The following HCLS1 variants were observed in gnomAD, a reference collection of about 807,000 sequenced individuals.
The protein encoded by HCLS1 is hematopoietic lineage cell-specific protein.
HCLS1 carries 44 observed loss-of-function variants against 68.6 expected under a neutral mutation model. The observed-to-expected ratio is 0.64, with a 90% CI of 0.50 to 0.82. The LOEUF (loss-of-function observed/expected upper bound fraction) is 0.82, where lower values mean the gene tolerates loss of function less well. Among genes scored for constraint, HCLS1 ranks in the 40% least tolerant of loss-of-function variants. The probability of loss-of-function intolerance (pLI) is 0.00; values close to 1 mark genes in which losing one functional copy is unlikely to be tolerated. For missense variants in HCLS1, 602 were observed against 612.1 expected (o/e 0.98, Z 0.17); for synonymous variants, 217 against 225.8 (o/e 0.96, Z 0.35).
At chr3:121,632,911 G>A (rs1356477332) in intron 11 of HCLS1, among the ~76,000 whole-genome samples, 156 bp downstream of exon 11, 1 of 152,164 alleles carries the variant, frequency 6.6e-6, no homozygotes, top group Non-Finnish European at 1.5e-5. Context: ...ATACTAGTTT[G>A]CCCAGGACAG....
At chr3:121,659,149 A>G (rs571550416) in intron 1 of HCLS1, among the ~76,000 whole-genome samples, 1 of 152,240 alleles carries the variant, frequency 6.6e-6, no homozygotes, top group Non-Finnish European at 1.5e-5. Context: ...CTCAGTTTTT[A>G]TCAACTAAAT....
chr3:121,648,855 G>C (rs1310342766), intron 3 of HCLS1, among the ~76,000 whole-genome samples: 1 of 152,192 alleles, frequency 6.6e-6, no homozygotes, highest in Admixed American at 6.5e-5. Context: ...GTTGAAAGCA[G>C]AGATCTTGTG....
At chr3:121,640,754 A>G (rs2049189015) in intron 6 of HCLS1, among the ~76,000 whole-genome samples, 1 of 139,206 alleles carries the variant, frequency 7.2e-6, no homozygotes. Flanking sequence ...ATAAGACTTT[A>G]TCTAAAAAAA....
At chr3:121,635,008 AT>A (rs1191452404) in intron 9 of HCLS1, among the ~76,000 whole-genome samples, 1 of 151,912 alleles carries the variant, frequency 6.6e-6, no homozygotes, top group Non-Finnish European at 1.5e-5. Flanking sequence ...ATAAATCTGT[AT>A]GCCTTCTTCA....
intron 2 of HCLS1, 61 bp downstream of exon 2, chr3:121,658,203 C>A: frequency 8.1e-7 from 1 of 1,234,896 alleles, no homozygotes; most frequent in Non-Finnish European, 1.2e-6. Flanking sequence ...CACAGAGTGG[C>A]CCAGATGCCC....
Position 121,642,913 on chromosome 3 carries a change from T to C in HCLS1, c.454+14A>G. On this transcript the variant is annotated intron_variant, in intron 6 of 13. Transcript: ENST00000314583. ...GTCAGATTGCTGAGGCTGAGTGAAG[T>C]ACAGTGTCCTTGCCTTTCTGAGATG... is the stretch of plus-strand genomic sequence containing the variant. 6.2e-7 allele frequency: 1 copy of C among 1,606,274 alleles called. No homozygotes were observed. The highest frequency in any genetic ancestry group is 1.1e-5 in the South Asian group (1 of 90,868).
intron 5 of HCLS1, 131 bp downstream of exon 5, chr3:121,644,687 C>G: frequency 1.3e-6 from 1 of 775,876 alleles, no homozygotes; most frequent in East Asian, 2.5e-5. Context: ...ATCCCTGTGA[C>G]GGTGTCAGGT....
At chr3:121,654,253 C>T (rs1937814219) in intron 3 of HCLS1, 1 of 152,326 alleles carries the variant, frequency 6.6e-6, no homozygotes, top group African/African-American at 2.4e-5. Context: ...CTGCCTCAGC[C>T]TCCTGAGTAG....
chr3:121,658,490 G>T, intron 1 of HCLS1, 143 bp from the exon 2 acceptor site: 1 of 651,074 alleles, frequency 1.5e-6, no homozygotes, highest in South Asian at 1.9e-5. Flanking sequence ...ATGAAGCAAA[G>T]CAAATGGGAG....
At chr3:121,643,079 G>C (rs2049216389) in intron 5 of HCLS1, 98 bp from the exon 6 acceptor site, 1 of 920,470 alleles carries the variant, frequency 1.1e-6, no homozygotes, top group Admixed American at 1.7e-5. Flanking sequence ...GAGGTAGTTT[G>C]TAGGGGCTTC....
chr3:121,659,681 C>T (rs1414569571), intron 1 of HCLS1, among the ~76,000 whole-genome samples: 3 of 152,156 alleles, frequency 2.0e-5, no homozygotes, highest in Non-Finnish European at 4.4e-5. Flanking sequence ...TTCCCTGATG[C>T]GGTTGGAGAC....
intron 3 of HCLS1, chr3:121,653,750 AAGAGGAC>A (rs1387918957): frequency 2.0e-5 from 3 of 152,206 alleles, no homozygotes; most frequent in Non-Finnish European, 4.4e-5. Context: ...AGGGCACGAG[AAGAGGAC>A]AGGGCCACTG....
At chr3:121,647,478 C>A (rs1404744756) in intron 3 of HCLS1, 30 bp from the exon 4 acceptor site, 1 of 1,613,258 alleles carries the variant, frequency 6.2e-7, no homozygotes, top group East Asian at 2.2e-5. Context: ...CAAGGCTCAT[C>A]TATCCTAGGG....
At chr3:121,635,237 TTCTCTCTCTCTCTCTCTCTC>T (rs201290743) in intron 9 of HCLS1, among the ~76,000 whole-genome samples, 1 of 114,340 alleles carries the variant, frequency 8.7e-6, no homozygotes, top group Non-Finnish European at 1.7e-5. Context: ...TCTCTCCCTT[TTCTCTCTCTCTCTCTCTCTC>T]TCTCTCTCTC....
At chr3:121,639,714 AAC>A (rs1318184788) in intron 6 of HCLS1, among the ~76,000 whole-genome samples, 1 of 152,184 alleles carries the variant, frequency 6.6e-6, no homozygotes, top group African/African-American at 2.4e-5. Context: ...TGAAAATTAA[AAC>A]ACACACATTC....
intron 3 of HCLS1, among the ~76,000 whole-genome samples, chr3:121,655,297 T>C (rs1278414405): frequency 1.3e-5 from 2 of 152,154 alleles, no homozygotes; most frequent in African/African-American, 2.4e-5. Flanking sequence ...GGAAATCTGA[T>C]TAAACTAACC....
At chr3:121,649,795 G>A (rs1259925705) in intron 3 of HCLS1, among the ~76,000 whole-genome samples, 1 of 152,194 alleles carries the variant, frequency 6.6e-6, no homozygotes, top group African/African-American at 2.4e-5. Context: ...TGCAGTTTAT[G>A]TGAACCAAGC....
chr3:121,635,937 T>A, intron 8 of HCLS1, 133 bp from the exon 9 acceptor site: 1 of 685,566 alleles, frequency 1.5e-6, no homozygotes, highest in Non-Finnish European at 2.6e-6. Flanking sequence ...CTGGACAGCA[T>A]GTTCCAATGT....
chr3:121,632,040 T>TC (rs1226699318), intron 13 of HCLS1, 58 bp from the exon 14 acceptor site: 1 of 1,612,796 alleles, frequency 6.2e-7, no homozygotes, highest in Non-Finnish European at 8.5e-7. Flanking sequence ...TTTTCACATG[T>TC]CCCCCTGTCT....
Sources: allele counts gnomAD v4.1 joint callset (sites outside exome capture counted in the v4.1 genomes callset), GRCh38; gene constraint gnomAD v4.1.1; transcripts MANE v1.5; gene names NCBI Gene and HGNC (gene_info 2026-07-23, HGNC 2026-07-21).